Variants in LTN1 observed in about 807,000 individuals in gnomAD.
The protein encoded by LTN1 is E3 ubiquitin-protein ligase listerin.
A neutral mutation model predicts 201.2 loss-of-function variants in LTN1; 88 were observed. The ratio of observed to expected loss-of-function variants is 0.44; its 90% CI spans 0.37 to 0.52. The LOEUF (loss-of-function observed/expected upper bound fraction) is 0.52, where lower values mean the gene tolerates loss of function less well. LTN1 is among the 20% of genes least tolerant of loss of function. The pLI, the probability that LTN1 is intolerant of heterozygous loss-of-function variation, is 0.00. For synonymous variants in LTN1, 645 were observed against 713.5 expected (o/e 0.90, Z 1.53); for missense variants, 1,752 against 2,038.7 (o/e 0.86, Z 2.71).
chr21:28,964,648 G>C, intron 11 of LTN1: 1 of 1,550,396 alleles, frequency 6.4e-7, no homozygotes. Flanking sequence ...AGATGAGGAG[G>C]CTAGTGAGTC....
At position 28,953,247 on chromosome 21, in the gene LTN1, G is replaced by T. The variant is rs114047852; in HGVS notation, c.3209C>A (p.Thr1070Lys). The T allele has an allele frequency of 1.3e-6, 2 of 1,584,292 alleles. No individual in the cohort carries two copies. The highest frequency in any genetic ancestry group is 1.7e-6 in the Non-Finnish European group (2 of 1,171,232). ...TYDNLRVLGN[T>K]SGLLQLLFNR... is the part of the protein sequence containing the mutation. The stretch of plus-strand genomic sequence containing the variant: ...AAATAACAGCTGCAAAAGGCCCGAC[G>T]TATTACCAAGTACACGTAAGTTATC... The change falls in exon 17 of 30, where the codon ACG (threonine) becomes AAG (lysine). Residue 1070 changes from threonine to lysine, a missense_variant. Around this residue, in one of 3 missense-constraint regions of LTN1, gnomAD observed 1,211 missense variants for 1,312.8 expected, o/e 0.92. Transcript: ENST00000361371.
At chr21:28,948,490 C>T (rs79539676) in intron 18 of LTN1, among the ~76,000 whole-genome samples, 3,737 of 151,320 alleles carry the variant, frequency 0.025, 159 homozygotes, top group African/African-American at 0.086. Flanking sequence ...TCAGGCTGGT[C>T]GCGAACTCCT....
At position 28,986,564 on chromosome 21, in the gene LTN1, A is replaced by G; in HGVS notation, c.246+167T>C. ...ACTGTAACAAACTAATTTACGACCT[A>G]GAAAATAAATATCAACTAAGTTTAA... On this transcript the variant is annotated intron_variant, in intron 2 of 29. Coordinates refer to ENST00000361371, the MANE Select transcript of LTN1 (RefSeq NM_015565.3). This position sits in a 1 kb window ranked among gnomAD's most constrained non-coding sequence, Gnocchi z 4.1. 1.5e-6 allele frequency: 1 copy of G among 662,926 alleles called. No individual in the cohort carries two copies. The highest frequency in any genetic ancestry group is 2.7e-5 in the East Asian group (1 of 36,422). The allele number at this position is 662,926 out of a possible 1,614,324, so 41.1% of individuals were successfully genotyped here.
In LTN1 at chr21:28,928,881, G is replaced by T. The variant is rs944541104; in HGVS notation, c.*1567C>A. 1 of 152,474 alleles carries T rather than the reference G, an allele frequency of 6.6e-6. No homozygotes were observed. The highest frequency in any genetic ancestry group is 6.5e-5 in the Admixed American group (1 of 15,268). The allele number at this position is 152,474 out of a possible 1,614,324, so 9.4% of individuals were successfully genotyped here. The stretch of plus-strand genomic sequence containing the variant: ...TTAAAGGAAAAGTAATAACTTTCAC[G>T]GGGAGTAACACAATCCTTTGGGATT... On this transcript the variant is annotated 3_prime_UTR_variant, in exon 30 of 30. Transcript: ENST00000361371.
chr21:28,989,419 A>G (rs1036612652), intron 1 of LTN1, among the ~76,000 whole-genome samples: 1 of 152,062 alleles, frequency 6.6e-6, no homozygotes, highest in Middle Eastern at 3.2e-3. Flanking sequence ...GTTAAGTGCT[A>G]TACCCATAGT....
chr21:28,969,583 A>C lies in LTN1; in HGVS notation c.1194T>G (p.Thr398=), dbSNP rs141815110. 7.6e-5 allele frequency: 122 copies of C among 1,604,880 alleles called. 1 individual carries two copies. In the South Asian group the frequency reaches 9.9e-4, roughly 13 times the overall value. The change falls in exon 9 of 30, where the codon ACT becomes ACG. Residue 398 remains threonine (T), a synonymous_variant. Coordinates refer to ENST00000361371, the MANE Select transcript of LTN1 (RefSeq NM_015565.3). ...CCGAGGACTCTAAAGAGCTGGTTTT[A>C]GTTCTCTCTGTTGACAGCCTAAGAA... ...SLVAGLSTER[T]KTSSLESSAV... is the part of the protein sequence containing the mutation.
In LTN1 at chr21:28,992,822, G is replaced by C. The variant is rs951822910; in HGVS notation, c.-17C>G. On this transcript the variant is annotated 5_prime_UTR_variant, in exon 1 of 30. Coordinates refer to ENST00000361371, the MANE Select transcript of LTN1 (RefSeq NM_015565.3). ...CCCGCCCATGGTCGCGGTTGCAGCT[G>C]TACTCTGAGCACTCAGACCCCGGTT... The C allele has an allele frequency of 6.2e-7, 1 of 1,614,084 alleles. No homozygotes were observed. The highest frequency in any genetic ancestry group is 1.3e-5 in the African/African-American group (1 of 74,938).
chr21:28,962,770 CT>C (rs2146293568), intron 11 of LTN1, among the ~76,000 whole-genome samples: 1 of 152,334 alleles, frequency 6.6e-6, no homozygotes, highest in African/African-American at 2.4e-5. Context: ...AAAACTAGGC[CT>C]CTTGTGCCAA....
At chr21:28,949,818 GA>G (rs1290844505) in intron 18 of LTN1, among the ~76,000 whole-genome samples, 8 of 144,936 alleles carry the variant, frequency 5.5e-5, no homozygotes, top group African/African-American at 2.3e-4. Context: ...ATGTAAAGGA[GA>G]AGGTCTCAGT....
Position 28,984,842 on chromosome 21 carries a change from G to T in LTN1, c.426C>A (p.Pro142=), listed in dbSNP as rs2245431. The T allele has an allele frequency of 0.11, 184,161 of 1,613,502 alleles. 11,659 individuals are homozygous for T. The highest frequency in any genetic ancestry group is 0.24 in the African/African-American group (18,041 of 74,936). The part of the protein sequence containing the change: ...LILKVKKQLA[P]YLKSLMGYWL... ...AATATCCCATTAAACTTTTTAAGTA[G>T]GGAGCCAACTGTTTCTTTACTTTAA... Residue 142 remains proline (P), a synonymous_variant, in exon 4 of 30, where the codon CCC becomes CCA. Coordinates refer to ENST00000361371, the MANE Select transcript of LTN1 (RefSeq NM_015565.3).
chr21:28,933,678 T>C (rs1161261487), intron 27 of LTN1, among the ~76,000 whole-genome samples: 1 of 94,178 alleles, frequency 1.1e-5, no homozygotes, highest in Non-Finnish European at 2.4e-5. Context: ...TCTCTCTCTC[T>C]TTTTTTTTTT....
At chr21:28,947,776 T>G (rs1390256706) in intron 18 of LTN1, among the ~76,000 whole-genome samples, 170 bp from the exon 19 acceptor site, 2 of 147,252 alleles carry the variant, frequency 1.4e-5, no homozygotes, top group Non-Finnish European at 3.1e-5. Flanking sequence ...ATGAAATTGG[T>G]TTTTTTTGCT....
intron 1 of LTN1, among the ~76,000 whole-genome samples, chr21:28,987,139 T>A (rs1359514447): frequency 6.6e-6 from 1 of 152,256 alleles, no homozygotes; most frequent in African/African-American, 2.4e-5. Flanking sequence ...CTAGAAATTA[T>A]TCTGTTTCTT....
At chr21:28,971,911 G>A (rs937422872) in intron 6 of LTN1, among the ~76,000 whole-genome samples, 4 of 152,086 alleles carry the variant, frequency 2.6e-5, no homozygotes, top group South Asian at 2.1e-4. Flanking sequence ...AGAGCAGATC[G>A]GAAAAAGATC....
intron 24 of LTN1, 80 bp from the exon 25 acceptor site, chr21:28,941,486 G>T: frequency 8.5e-7 from 1 of 1,171,120 alleles, no homozygotes; most frequent in Non-Finnish European, 1.2e-6. Flanking sequence ...TAAACTTCAA[G>T]CATTTTAGAA....
intron 1 of LTN1, among the ~76,000 whole-genome samples, chr21:28,992,416 C>A (rs1333603966): frequency 6.6e-6 from 1 of 152,070 alleles, no homozygotes; most frequent in Non-Finnish European, 1.5e-5. Context: ...TTAACATTCT[C>A]CCAACTCTCC....
chr21:28,982,322 TCA>T lies in LTN1; in HGVS notation c.621_622del (p.Ser207ArgfsTer13). The T allele has an allele frequency of 6.2e-7, 1 of 1,612,838 alleles. No homozygotes were observed. On this transcript the variant is annotated frameshift_variant, in exon 5 of 30. Transcript: ENST00000361371. LOFTEE classifies it high-confidence loss of function. ...ATGAAACAATACAACTTACTGCGGG[TCA>T]CTGAGTGTATCAGGTGTTTCTTTTA...
chr21:28,969,256 A>AT (rs1448683780), intron 9 of LTN1, among the ~76,000 whole-genome samples: 1 of 152,044 alleles, frequency 6.6e-6, no homozygotes, highest in Non-Finnish European at 1.5e-5. Context: ...CCAGACACTG[A>AT]TTAGTTTCTT....
At chr21:28,964,150 T>C (rs1032950408) in intron 11 of LTN1, among the ~76,000 whole-genome samples, 2 of 152,182 alleles carry the variant, frequency 1.3e-5, no homozygotes, top group Admixed American at 1.3e-4. Context: ...TTTGAAAGGA[T>C]TGACTCCAAT....
Sources: gnomAD v4.1 joint callset for allele counts (sites outside exome capture counted in the v4.1 genomes callset) on GRCh38, gnomAD v4.1.1 for gene constraint, gnomAD v4.1.1 regional missense constraint, Gnocchi (gnomAD v3.1) non-coding constraint, MANE v1.5 for transcripts, NCBI Gene and HGNC (gene_info 2026-07-23, HGNC 2026-07-21) for gene names.